The following CEACAM5 variants were observed in gnomAD, a reference collection of about 807,000 sequenced individuals.
CEACAM5 encodes CEA cell adhesion molecule 5.
CEACAM5 carries 52 observed loss-of-function variants against 63.0 expected under a neutral mutation model. The observed-to-expected ratio is 0.83, with a 90% CI of 0.66 to 1.04. The LOEUF is 1.04. Among genes scored for constraint, CEACAM5 ranks in the 50% least tolerant of loss-of-function variants. The pLI, the probability that CEACAM5 is intolerant of heterozygous loss-of-function variation, is 0.00. For missense variants in CEACAM5, 790 were observed against 864.8 expected, an observed-to-expected ratio of 0.91 and a Z score of 1.08; for synonymous variants, 357 against 351.3, an observed-to-expected ratio of 1.02 and a Z score of -0.18.
chr19:41,726,529 G>T (rs977017513), intron 8 of CEACAM5, among the ~76,000 whole-genome samples: 5 of 152,210 alleles, frequency 3.3e-5, no homozygotes, highest in African/African-American at 9.7e-5. Context: ...CTGAGATTCA[G>T]CCAAGATGGA....
chr19:41,721,117 T>C lies in CEACAM5; in HGVS notation c.1967T>C (p.Phe656Ser). ...AATAATAACGGGACCTATGCCTGTT[T>C]TGTCTCTAACTTGGCTACTGGCCGC... ...TPNNNGTYAC[F>S]VSNLATGRNN... Residue 656 changes from phenylalanine to serine, a missense_variant, in exon 8 of 10, where the codon TTT becomes TCT. Physicochemically the swap from Phe to Ser is radical, Grantham distance 155. Coordinates refer to ENST00000221992, the MANE Select transcript of CEACAM5 (RefSeq NM_004363.6). 6.2e-7 allele frequency: 1 copy of C among 1,614,242 alleles called. No homozygotes were observed. The highest frequency in any genetic ancestry group is 8.5e-7 in the Non-Finnish European group (1 of 1,180,048).
intron 4 of CEACAM5, among the ~76,000 whole-genome samples, chr19:41,717,186 C>A (rs1555815172): frequency 6.6e-6 from 1 of 152,204 alleles, no homozygotes; most frequent in Non-Finnish European, 1.5e-5. Flanking sequence ...GGGGCTGTGA[C>A]CCCCAGCCCT....
intron 8 of CEACAM5, 61 bp downstream of exon 8, chr19:41,721,237 C>T: frequency 6.4e-7 from 1 of 1,565,636 alleles, no homozygotes; most frequent in South Asian, 1.1e-5. Context: ...TGGTTCTCAC[C>T]AAAGAGCCAA....
chr19:41,719,644 G>T (rs1429410816), intron 6 of CEACAM5, among the ~76,000 whole-genome samples: 1 of 152,214 alleles, frequency 6.6e-6, no homozygotes, highest in Non-Finnish European at 1.5e-5. Context: ...AAGAACCAAA[G>T]GAGGTGCTGG....
rs549143316 is a variant in CEACAM5 at position 41,720,219 on chromosome 19, T to G, written c.1771+11T>G. On this transcript the variant is annotated intron_variant, in intron 7 of 9. Transcript: ENST00000221992. Reference sequence around the variant, plus strand: ...CCCTGGATGTCCTCTGTGAGTATCTTCTGTTCCTCTGTGGCCCTGGTTTCC... The same window carrying G: ...CCCTGGATGTCCTCTGTGAGTATCTGCTGTTCCTCTGTGGCCCTGGTTTCC... The G allele has an allele frequency of 6.2e-7, 1 of 1,610,178 alleles. No homozygotes were observed. Among genetic ancestry groups the G allele is most frequent in the South Asian group, 1.1e-5 (1 of 90,798 alleles).
intron 2 of CEACAM5, among the ~76,000 whole-genome samples, chr19:41,711,141 G>A (rs938825815): frequency 1.6e-4 from 24 of 152,112 alleles, no homozygotes; most frequent in African/African-American, 3.6e-4. Flanking sequence ...GCTCAGAAGC[G>A]GAGATTCTGG....
intron 2 of CEACAM5, among the ~76,000 whole-genome samples, chr19:41,712,945 T>A (rs7247317): frequency 1.1e-4 from 16 of 152,018 alleles, no homozygotes; most frequent in African/African-American, 3.6e-4. Context: ...TCCCAAATCC[T>A]AAAATCCAAA....
intron 4 of CEACAM5, among the ~76,000 whole-genome samples, 191 bp from the exon 5 acceptor site, chr19:41,717,264 A>G (rs530505156): frequency 3.9e-5 from 6 of 152,338 alleles, no homozygotes; most frequent in African/African-American, 1.2e-4. Context: ...CTCCCACACA[A>G]AACAGCCAGC....
At chr19:41,727,146 C>T in intron 8 of CEACAM5, 88 bp from the exon 9 acceptor site, 1 of 973,324 alleles carries the variant, frequency 1.0e-6, no homozygotes, top group Non-Finnish European at 1.7e-6. Context: ...GAGACTGCTT[C>T]ATGCTGAGAG....
intron 4 of CEACAM5, among the ~76,000 whole-genome samples, chr19:41,716,174 A>G (rs1251100358): frequency 6.6e-6 from 1 of 152,230 alleles, no homozygotes; most frequent in Non-Finnish European, 1.5e-5. Context: ...AGCTTCACAG[A>G]GCGGGAAGGA....
chr19:41,721,268 T>C, intron 8 of CEACAM5, 92 bp downstream of exon 8: 1 of 1,444,278 alleles, frequency 6.9e-7, no homozygotes, highest in Non-Finnish European at 9.6e-7. Flanking sequence ...TCTTTCCCAG[T>C]CTGTGTTCCA....
chr19:41,711,835 T>A (rs537289947), intron 2 of CEACAM5, among the ~76,000 whole-genome samples: 1 of 152,146 alleles, frequency 6.6e-6, no homozygotes, highest in East Asian at 1.9e-4. Context: ...TGAACAAGGC[T>A]GGCTGTCCTG....
At chr19:41,711,995 G>A (rs1284556341) in intron 2 of CEACAM5, among the ~76,000 whole-genome samples, 2 of 152,162 alleles carry the variant, frequency 1.3e-5, no homozygotes, top group African/African-American at 2.4e-5. Flanking sequence ...ATGAGCTTCC[G>A]CTGTGTTCCT....
chr19:41,717,620 A>G lies in CEACAM5; in HGVS notation c.1124A>G (p.Asn375Ser). ...VSPRLQLSND[N>S]RTLTLLSVTR... is the part of the protein sequence containing the mutation. The stretch of plus-strand genomic sequence containing the variant: ...CCCAGGCTGCAGCTGTCCAATGACA[A>G]CAGGACCCTCACTCTACTCAGTGTC... The change falls in exon 5 of 10, where the codon AAC becomes AGC. Residue 375 changes from asparagine (N) to serine (S), a missense_variant. Asn to Ser is a conservative substitution (Grantham distance 46). Coordinates refer to ENST00000221992, the MANE Select transcript of CEACAM5 (RefSeq NM_004363.6). The G allele has an allele frequency of 6.2e-7, 1 of 1,614,234 alleles. No individual in the cohort carries two copies. Among genetic ancestry groups the G allele is most frequent in the Non-Finnish European group, 8.5e-7 (1 of 1,180,038 alleles).
intron 2 of CEACAM5, among the ~76,000 whole-genome samples, chr19:41,713,234 G>A (rs1461083126): frequency 1.3e-5 from 2 of 152,110 alleles, no homozygotes; most frequent in Admixed American, 6.5e-5. Flanking sequence ...GAACCCGGGA[G>A]GTGGAGGTTG....
At chr19:41,713,916 A>G (rs1370643890) in intron 2 of CEACAM5, among the ~76,000 whole-genome samples, 1 of 152,226 alleles carries the variant, frequency 6.6e-6, no homozygotes, top group Non-Finnish European at 1.5e-5. Flanking sequence ...GAGAAGGGAC[A>G]TTAAAGACCA....
intron 6 of CEACAM5, among the ~76,000 whole-genome samples, 176 bp downstream of exon 6, chr19:41,718,558 T>C (rs1267695304): frequency 6.6e-6 from 1 of 152,214 alleles, no homozygotes; most frequent in Non-Finnish European, 1.5e-5. Flanking sequence ...CCCTTGTTTT[T>C]CTGATTTCTC....
chr19:41,717,814 C>G (rs1248434332), intron 5 of CEACAM5, 81 bp downstream of exon 5: 2 of 1,531,224 alleles, frequency 1.3e-6, no homozygotes, highest in African/African-American at 2.7e-5. Context: ...CAGTCCCTCT[C>G]AGGCCCAAGG....
At chr19:41,714,477 C>T (rs1368701667) in intron 2 of CEACAM5, among the ~76,000 whole-genome samples, 1 of 152,216 alleles carries the variant, frequency 6.6e-6, no homozygotes, top group Non-Finnish European at 1.5e-5. Context: ...CCAGGCCAGG[C>T]TGCACAATAT....
Sources: gnomAD v4.1 joint callset for allele counts (sites outside exome capture counted in the v4.1 genomes callset) on GRCh38, gnomAD v4.1.1 for gene constraint, MANE v1.5 for transcripts, NCBI Gene and HGNC (gene_info 2026-07-23, HGNC 2026-07-21) for gene names.